Variants in ZNF697 observed in about 807,000 individuals in gnomAD.
ZNF697 encodes the protein zinc finger protein 697.
ZNF697 carries 23 observed loss-of-function variants against 32.4 expected under a neutral mutation model. The ratio of observed to expected loss-of-function variants is 0.71; its 90% CI spans 0.51 to 1.01. ZNF697 has a LOEUF of 1.01. Ranked by LOEUF, ZNF697 falls within the 50% of genes least tolerant of loss-of-function variation. ZNF697 has a pLI of 0.00. For missense variants in ZNF697, 930 were observed against 794.0 expected, an observed-to-expected ratio of 1.17 and a Z score of -2.06; for synonymous variants, 418 against 337.2, an observed-to-expected ratio of 1.24 and a Z score of -2.62.
At chr1:119,644,714 T>A (rs587723197) in intron 1 of ZNF697, among the ~76,000 whole-genome samples, 2 of 152,354 alleles carry the variant, frequency 1.3e-5, no homozygotes, top group East Asian at 3.9e-4. Flanking sequence ...GATATACAGA[T>A]GTTCAATAAG....
intron 1 of ZNF697, among the ~76,000 whole-genome samples, chr1:119,641,490 A>G (rs1649073804): frequency 6.6e-6 from 1 of 152,248 alleles, no homozygotes; most frequent in Non-Finnish European, 1.5e-5. Context: ...AGAACTCTTA[A>G]AACCCAATTA....
At chr1:119,639,191 C>A (rs1649001343) in intron 1 of ZNF697, among the ~76,000 whole-genome samples, 1 of 152,154 alleles carries the variant, frequency 6.6e-6, no homozygotes, top group Non-Finnish European at 1.5e-5. Context: ...TCAACTTTGA[C>A]CCATCCCTCA....
chr1:119,622,393 C>G lies in ZNF697; in HGVS notation c.*312G>C. On this transcript the variant is annotated 3_prime_UTR_variant, in exon 3 of 3. Coordinates refer to ENST00000421812, the MANE Select transcript of ZNF697 (RefSeq NM_001080470.2). The stretch of plus-strand genomic sequence containing the variant: ...GCCCGCCATCCTGTTCCCACCCCAG[C>G]CCACGAACTGCCCTTCCTCAAAGTG... The G allele has an allele frequency of 3.5e-6, 1 of 283,760 alleles. No individual in the cohort carries two copies. The allele number at this position is 283,760 out of a possible 1,614,324, so 17.6% of individuals were successfully genotyped here.
intron 1 of ZNF697, among the ~76,000 whole-genome samples, chr1:119,626,833 G>C (rs1202809385): frequency 6.6e-6 from 1 of 152,164 alleles, no homozygotes; most frequent in African/African-American, 2.4e-5. Context: ...CCAAGAAAAA[G>C]AGGTACAGGG....
Position 119,623,346 on chromosome 1 carries a change from A to C in ZNF697, c.997T>G (p.Leu333Val). ...GCCGCGTGCGCGCGCCGGTGGCTCA[A>C]CAGATGCGAGCTGAGGCTGAAGGCC... The part of the protein sequence containing the change: ...GEAFSLSSHL[L>V]SHRRAHAAAS... Residue 333 changes from leucine (L) to valine (V), a missense_variant, in exon 3 of 3, where the codon TTG becomes GTG. Leu to Val is a conservative substitution (Grantham distance 32). Coordinates refer to ENST00000421812, the MANE Select transcript of ZNF697 (RefSeq NM_001080470.2). 1 of 1,402,634 alleles carries C rather than the reference A, an allele frequency of 7.1e-7. No individual in the cohort carries two copies. The highest frequency in any genetic ancestry group is 1.5e-5 in the South Asian group (1 of 66,724). 86.9% of individuals were successfully genotyped at this position (1,402,634 alleles called of 1,614,324 possible). A position where few individuals can be genotyped will look rare whatever the true frequency, so the allele number is the denominator to read the frequency against.
Position 119,625,965 on chromosome 1 carries a change from T to C in ZNF697, c.136A>G (p.Thr46Ala). ...EREMGSNPHDTNKREGHPEPE... is the reference protein window; with the variant it reads ...EREMGSNPHDANKREGHPEPE... The stretch of plus-strand genomic sequence containing the variant: ...TCCGGATGGCCTTCTCTCTTGTTTG[T>C]GTCATGTGGATTAGAGCCCATTTCT... Residue 46 changes from threonine to alanine, a missense_variant, in exon 2 of 3, where the codon ACA (threonine) becomes GCA (alanine). Thr to Ala is a moderately conservative substitution (Grantham distance 58). Coordinates refer to ENST00000421812, the MANE Select transcript of ZNF697 (RefSeq NM_001080470.2). 1 of 1,613,858 alleles carries C rather than the reference T, an allele frequency of 6.2e-7. No individual in the cohort carries two copies.
Position 119,623,661 on chromosome 1 carries a change from C to G in ZNF697, c.682G>C (p.Ala228Pro), listed in dbSNP as rs587656251. Residue 228 changes from alanine (A) to proline (P), a missense_variant, in exon 3 of 3, where the codon GCG (alanine) becomes CCG (proline). Ala to Pro is a conservative substitution (Grantham distance 27). Coordinates refer to ENST00000421812, the MANE Select transcript of ZNF697 (RefSeq NM_001080470.2). Reference protein sequence around the residue: ...AAASLEPFGLAGECDAMVGMM... With the variant: ...AAASLEPFGLPGECDAMVGMM... ...CCCACCATCGCGTCGCACTCGCCCG[C>G]CAGGCCGAAGGGCTCCAGGCTGGCG... 4.9e-5 allele frequency: 75 copies of G among 1,522,724 alleles called. No individual in the cohort carries two copies. In the South Asian group the frequency reaches 8.8e-4, roughly 18 times the overall value. 94.3% of individuals were successfully genotyped at this position (1,522,724 alleles called of 1,614,324 possible).
In ZNF697 at chr1:119,648,206, C is replaced by T. The variant is rs1390099608; in HGVS notation, c.-553G>A. Among the ~76,000 whole-genome samples the T allele has an allele frequency of 6.2e-5, 6 of 96,528 alleles. No homozygotes were observed. The East Asian group carries it at 2.0e-3, about 33-fold the overall frequency. The allele number at this position is 96,528 out of a possible 152,430, so 63.3% of individuals were successfully genotyped here. ...GGTGGCCCGCTGGCTGGCTGGTTGG[C>T]TGGCTGGCTGGCTGGCTGGCTGGCT... On this transcript the variant is annotated 5_prime_UTR_variant, in exon 1 of 3. Coordinates refer to ENST00000421812, the MANE Select transcript of ZNF697 (RefSeq NM_001080470.2).
Position 119,623,932 on chromosome 1 carries a change from G to A in ZNF697, c.411C>T (p.Ala137=), listed in dbSNP as rs1488288264. The A allele has an allele frequency of 6.3e-7, 1 of 1,588,632 alleles. No individual in the cohort carries two copies. The highest frequency in any genetic ancestry group is 8.6e-7 in the Non-Finnish European group (1 of 1,167,738). The change falls in exon 3 of 3, where the codon GCC becomes GCT. Residue 137 remains alanine (A), a synonymous_variant. Transcript: ENST00000421812. ...GTCGCCTCCAGGGAAGTACGGGAGGGGCCGGCTGCTCCTCTTCCTCCTCCA... is the reference window on the plus strand; with the variant it reads ...GTCGCCTCCAGGGAAGTACGGGAGGAGCCGGCTGCTCCTCTTCCTCCTCCA... ...NRLEEEEEQP[A]PPVLPWRRHL...
rs1009793289 is a variant in ZNF697, at chr1:119,622,555, C to T, written c.*150G>A. 2 of 1,374,492 alleles carry T rather than the reference C, an allele frequency of 1.5e-6. No homozygotes were observed. The highest frequency in any genetic ancestry group is 1.9e-6 in the Non-Finnish European group (2 of 1,048,924). The allele number at this position is 1,374,492 out of a possible 1,614,324, so 85.1% of individuals were successfully genotyped here. On this transcript the variant is annotated 3_prime_UTR_variant, in exon 3 of 3. Transcript: ENST00000421812. Reference sequence around the variant, plus strand: ...AAAGACCAACTTACTCAACACTCCTCCCACTTCAGGAAACCCCAAACACCA... The same window carrying T: ...AAAGACCAACTTACTCAACACTCCTTCCACTTCAGGAAACCCCAAACACCA...
intron 1 of ZNF697, among the ~76,000 whole-genome samples, chr1:119,632,856 T>C (rs1302052114): frequency 6.6e-6 from 1 of 152,218 alleles, no homozygotes; most frequent in Non-Finnish European, 1.5e-5. Context: ...TTTAACTGAT[T>C]AGAATCTTCC....
At chr1:119,646,952 C>A (rs1337733528) in intron 1 of ZNF697, among the ~76,000 whole-genome samples, 1 of 152,034 alleles carries the variant, frequency 6.6e-6, no homozygotes. Flanking sequence ...GTAGGGGATG[C>A]GGAGTATTGG....
chr1:119,630,200 C>A (rs587736351), intron 1 of ZNF697, among the ~76,000 whole-genome samples: 1 of 152,378 alleles, frequency 6.6e-6, no homozygotes, highest in African/African-American at 2.4e-5. Flanking sequence ...CATTTGCCCC[C>A]TTCGGGCTTC....
intron 1 of ZNF697, among the ~76,000 whole-genome samples, chr1:119,640,001 C>T (rs905131175): frequency 6.6e-6 from 1 of 152,184 alleles, no homozygotes; most frequent in African/African-American, 2.4e-5. Context: ...CTGAACCTAC[C>T]TTATAGGGAT....
chr1:119,640,855 G>A (rs1416763347), intron 1 of ZNF697, among the ~76,000 whole-genome samples: 1 of 152,240 alleles, frequency 6.6e-6, no homozygotes, highest in Non-Finnish European at 1.5e-5. Flanking sequence ...AACATTAAGA[G>A]TGGCTATTCA....
chr1:119,625,926 A>T lies in ZNF697; in HGVS notation c.175T>A (p.Ser59Thr). The change falls in exon 2 of 3, where the codon TCC (serine) becomes ACC (threonine). Residue 59 changes from serine (S) to threonine (T), a missense_variant. Physicochemically the swap from Ser to Thr is moderately conservative, Grantham distance 58. Transcript: ENST00000421812. ...CTGTGCCTTGAGTCCTGTGGGTTGG[A>T]GCCCATCTCCGGCTCCGGATGGCCT... ...REGHPEPEMG[S>T]NPQDSRHREA... 1 of 1,613,934 alleles carries T rather than the reference A, an allele frequency of 6.2e-7. No homozygotes were observed. Among genetic ancestry groups the T allele is most frequent in the Non-Finnish European group, 8.5e-7 (1 of 1,179,868 alleles).
Position 119,622,489 on chromosome 1 carries a change from G to T in ZNF697, c.*216C>A. The T allele has an allele frequency of 1.1e-6, 1 of 901,018 alleles. No homozygotes were observed. Among genetic ancestry groups the T allele is most frequent in the Non-Finnish European group, 1.6e-6 (1 of 634,594 alleles). 55.8% of individuals were successfully genotyped at this position (901,018 alleles called of 1,614,324 possible). On this transcript the variant is annotated 3_prime_UTR_variant, in exon 3 of 3. Coordinates refer to ENST00000421812, the MANE Select transcript of ZNF697 (RefSeq NM_001080470.2). ...AGTCATCACCCCAAGCGCATCTCCTGAACAATTCTTCCGTGGAGAGGAGGC... is the reference window on the plus strand; with the variant it reads ...AGTCATCACCCCAAGCGCATCTCCTTAACAATTCTTCCGTGGAGAGGAGGC...
chr1:119,641,660 G>A (rs963197656), intron 1 of ZNF697, among the ~76,000 whole-genome samples: 2 of 152,158 alleles, frequency 1.3e-5, no homozygotes, highest in Non-Finnish European at 2.9e-5. Flanking sequence ...GTCATGGAAG[G>A]GACCAGATGG....
chr1:119,639,298 C>A (rs753511514), intron 1 of ZNF697, among the ~76,000 whole-genome samples: 7 of 152,142 alleles, frequency 4.6e-5, no homozygotes, highest in Non-Finnish European at 8.8e-5. Context: ...AGTTAACATG[C>A]ACCTACATGT....
Sources: gnomAD v4.1 joint callset for allele counts (sites outside exome capture counted in the v4.1 genomes callset) on GRCh38, gnomAD v4.1.1 for gene constraint, MANE v1.5 for transcripts, NCBI Gene and HGNC (gene_info 2026-07-23, HGNC 2026-07-21) for gene names.